The following PBX3 variants were observed in gnomAD, a reference collection of about 807,000 sequenced individuals.
PBX3 encodes PBX homeobox 3.
A neutral mutation model predicts 48.5 loss-of-function variants in PBX3; 14 were observed. The observed-to-expected ratio is 0.29, with a 90% CI of 0.19 to 0.45. The LOEUF is 0.45. Among genes scored for constraint, PBX3 ranks in the 20% least tolerant of loss-of-function variants. The pLI is 1.00. For missense variants in PBX3, 386 were observed against 546.7 expected, an observed-to-expected ratio of 0.71 and a Z score of 2.93; for synonymous variants, 210 against 200.3, an observed-to-expected ratio of 1.05 and a Z score of -0.41.
chr9:125,915,437 A>T (rs1351279233), intron 2 of PBX3, among the ~76,000 whole-genome samples: 1 of 152,124 alleles, frequency 6.6e-6, no homozygotes, highest in Non-Finnish European at 1.5e-5. Flanking sequence ...TTTTCTAAGG[A>T]TCTAGTCTGT....
At chr9:125,765,404 C>G (rs924293271) in intron 2 of PBX3, among the ~76,000 whole-genome samples, 10 of 152,100 alleles carry the variant, frequency 6.6e-5, no homozygotes, top group Non-Finnish European at 1.0e-4. Flanking sequence ...CCCACCTTGG[C>G]CTCCCAGAGT....
At chr9:125,824,610 CTA>C (rs1838753209) in intron 2 of PBX3, among the ~76,000 whole-genome samples, 1 of 151,876 alleles carries the variant, frequency 6.6e-6, no homozygotes, top group Non-Finnish European at 1.5e-5. Context: ...TTAACAGGGT[CTA>C]GAAAGATACA....
intron 2 of PBX3, among the ~76,000 whole-genome samples, chr9:125,867,746 C>G (rs1840020848): frequency 6.7e-6 from 1 of 149,994 alleles, no homozygotes; most frequent in Non-Finnish European, 1.5e-5. Context: ...CTGTCTCTCT[C>G]TCTCTCTATA....
At chr9:125,933,558 A>G (rs954450255) in intron 4 of PBX3, among the ~76,000 whole-genome samples, 3 of 151,872 alleles carry the variant, frequency 2.0e-5, no homozygotes, top group South Asian at 4.2e-4. Context: ...ATTCCCATCT[A>G]CCCTGGGCCT....
chr9:125,851,605 A>G (rs903076780), intron 2 of PBX3, among the ~76,000 whole-genome samples: 1 of 152,126 alleles, frequency 6.6e-6, no homozygotes, highest in African/African-American at 2.4e-5. Flanking sequence ...GAAGCCTGAC[A>G]TTTTAACACA....
At position 125,964,218 on chromosome 9, in the gene PBX3, G is replaced by GA. The variant is rs964093854; in HGVS notation, c.1212+1125dup. 4.1e-3 allele frequency among the ~76,000 whole-genome samples: 629 copies of GA among 151,916 alleles called. 4 individuals are homozygous for GA. Among genetic ancestry groups the GA allele is most frequent in the African/African-American group, 0.013 (552 of 41,460 alleles). ...ACCAGAGTAAGGATTAATTTATTTT[G>GA]AAAAAAAAGAATGCTTGCTGACAAC... On this transcript the variant is annotated intron_variant, in intron 8 of 8. Coordinates refer to ENST00000373489, the MANE Select transcript of PBX3 (RefSeq NM_006195.6).
intron 2 of PBX3, among the ~76,000 whole-genome samples, chr9:125,830,673 G>T (rs1471476535): frequency 2.0e-5 from 3 of 152,038 alleles, no homozygotes; most frequent in Non-Finnish European, 4.4e-5. Context: ...GGCTCTTTAT[G>T]TACTAGACAC....
intron 2 of PBX3, among the ~76,000 whole-genome samples, chr9:125,899,323 ATAT>A: frequency 8.9e-6 from 1 of 112,390 alleles, no homozygotes; most frequent in South Asian, 2.4e-4. Flanking sequence ...ATATATTTTT[ATAT>A]AAATATATAC....
chr9:125,827,445 G>T (rs1462409494), intron 2 of PBX3, among the ~76,000 whole-genome samples: 1 of 151,950 alleles, frequency 6.6e-6, no homozygotes, highest in Non-Finnish European at 1.5e-5. Flanking sequence ...TTATCTTATG[G>T]TTGGTACATA....
Position 125,824,933 on chromosome 9 carries a change from C to T in PBX3, c.274+76310C>T, listed in dbSNP as rs544840352. Among the ~76,000 whole-genome samples the T allele has an allele frequency of 2.6e-5, 4 of 152,272 alleles. No individual in the cohort carries two copies. In the South Asian group the frequency reaches 8.3e-4, roughly 32 times the overall value. On this transcript the variant is annotated intron_variant, in intron 2 of 8. Transcript: ENST00000373489. ...TGTATCAACTCTATGATTTAGGCCACTGATTCTCGGACTTTTTGTTTTCAG... is the reference window on the plus strand; with the variant it reads ...TGTATCAACTCTATGATTTAGGCCATTGATTCTCGGACTTTTTGTTTTCAG...
At chr9:125,869,264 T>C (rs1840060370) in intron 2 of PBX3, among the ~76,000 whole-genome samples, 1 of 152,134 alleles carries the variant, frequency 6.6e-6, no homozygotes, top group Non-Finnish European at 1.5e-5. Flanking sequence ...ATGAAAAAGA[T>C]GTTAAGAGGA....
chr9:125,833,076 TC>T (rs1207653280), intron 2 of PBX3, among the ~76,000 whole-genome samples: 1 of 152,244 alleles, frequency 6.6e-6, no homozygotes, highest in Admixed American at 6.5e-5. Flanking sequence ...AAGGAAAATT[TC>T]TTTGAGCTTT....
At chr9:125,791,867 C>T (rs1366643167) in intron 2 of PBX3, among the ~76,000 whole-genome samples, 1 of 150,840 alleles carries the variant, frequency 6.6e-6, no homozygotes, top group Non-Finnish European at 1.5e-5. Flanking sequence ...ACCCGGGAGG[C>T]AGAGGTTGCA....
rs1842548163 is a variant in PBX3, at chr9:125,967,050, A to C, written c.*1127A>C. On this transcript the variant is annotated 3_prime_UTR_variant, in exon 9 of 9. Transcript: ENST00000373489. ...GGTAAAACTGTTGTAAATACTGAGA[A>C]ACATTTTGAATGTTCTTCATCTTAT... 6.6e-6 allele frequency: 1 copy of C among 152,338 alleles called. No homozygotes were observed. Among genetic ancestry groups the C allele is most frequent in the African/African-American group, 2.4e-5 (1 of 41,220 alleles). The allele number at this position is 152,338 out of a possible 1,614,324, so 9.4% of individuals were successfully genotyped here.
rs914578059 is a variant in PBX3, at chr9:125,748,722, C to T, written c.274+99C>T. The T allele has an allele frequency of 2.2e-5, 18 of 810,806 alleles. No homozygotes were observed. In the Admixed American group the frequency reaches 3.4e-4, roughly 15 times the overall value. The allele number at this position is 810,806 out of a possible 1,614,324, so 50.2% of individuals were successfully genotyped here. A position where few individuals can be genotyped will look rare whatever the true frequency, so the allele number is the denominator to read the frequency against. On this transcript the variant is annotated intron_variant, in intron 2 of 8. Transcript: ENST00000373489. ...GTTGAGAGCTGCTGCTTTTGGGCAC[C>T]GCCATCTTTGATCATTCTCTCCTTC...
intron 2 of PBX3, among the ~76,000 whole-genome samples, chr9:125,870,505 C>G (rs1320981135): frequency 6.6e-6 from 1 of 152,134 alleles, no homozygotes; most frequent in Admixed American, 6.5e-5. Context: ...CAAAAAAACC[C>G]CATCACATCT....
intron 2 of PBX3, among the ~76,000 whole-genome samples, chr9:125,896,016 A>G (rs1452269009): frequency 6.6e-6 from 1 of 152,106 alleles, no homozygotes; most frequent in East Asian, 1.9e-4. Flanking sequence ...AAAGTAAATC[A>G]AACTGCTGCA....
chr9:125,788,994 G>A (rs1302094936), intron 2 of PBX3, among the ~76,000 whole-genome samples: 9 of 151,474 alleles, frequency 5.9e-5, no homozygotes. Flanking sequence ...TACTAATATT[G>A]CATGTTTTTG....
intron 5 of PBX3, among the ~76,000 whole-genome samples, chr9:125,954,693 G>A (rs988196237): frequency 2.0e-5 from 3 of 152,156 alleles, no homozygotes; most frequent in Admixed American, 1.3e-4. Flanking sequence ...GCACCACCAC[G>A]CCCGGCTAAT....
Sources: gnomAD v4.1 joint callset for allele counts (sites outside exome capture counted in the v4.1 genomes callset) on GRCh38, gnomAD v4.1.1 for gene constraint, MANE v1.5 for transcripts, NCBI Gene and HGNC (gene_info 2026-07-23, HGNC 2026-07-21) for gene names.